Variants in NIPBL observed in about 807,000 individuals in gnomAD.
NIPBL encodes nipped-B-like protein.
Under a neutral mutation model 321.8 loss-of-function variants are expected in NIPBL, and 19 were observed. That is an observed-to-expected ratio of 0.06 (90% confidence interval 0.04 to 0.09). The LOEUF is 0.09. Among genes scored for constraint, NIPBL ranks in the 10% least tolerant of loss-of-function variants. NIPBL has a pLI of 1.00. For synonymous variants in NIPBL, 1,106 were observed against 1,114.1 expected, an observed-to-expected ratio of 0.99 and a Z score of 0.14; for missense variants, 2,210 against 3,327.0, an observed-to-expected ratio of 0.66 and a Z score of 8.26.
intron 8 of NIPBL, 62 bp downstream of exon 8, chr5:36,972,103 A>T: frequency 9.2e-7 from 1 of 1,084,590 alleles, no homozygotes; most frequent in Non-Finnish European, 1.4e-6. Context: ...TAAAGAACTC[A>T]GACTTCCTAA....
chr5:36,877,164 C>G lies in NIPBL; in HGVS notation c.-94C>G. 1 of 283,118 alleles carries G rather than the reference C, an allele frequency of 3.5e-6. No homozygotes were observed. The highest frequency in any genetic ancestry group is 1.6e-4 in the South Asian group (1 of 6,362). The allele number at this position is 283,118 out of a possible 1,614,324, so 17.5% of individuals were successfully genotyped here. ...GCCTCGGCCTCCCCTTGGATTCAGA[C>G]GCCGATTCGCCCAGGTAAATTCCTG... On this transcript the variant is annotated 5_prime_UTR_variant, in exon 1 of 47. Coordinates refer to ENST00000282516, the MANE Select transcript of NIPBL (RefSeq NM_133433.4).
chr5:36,969,423 T>C (rs958551208), intron 6 of NIPBL, among the ~76,000 whole-genome samples: 1 of 152,154 alleles, frequency 6.6e-6, no homozygotes, highest in Non-Finnish European at 1.5e-5. Flanking sequence ...AAATAACATA[T>C]AGTGAAGTAG....
At chr5:36,975,659 A>T in intron 8 of NIPBL, 117 bp from the exon 9 acceptor site, 1 of 996,272 alleles carries the variant, frequency 1.0e-6, no homozygotes, top group Non-Finnish European at 1.5e-6. Context: ...AGCTTGGATT[A>T]TATAATTTCT....
chr5:36,913,806 G>A (rs982604192), intron 1 of NIPBL, among the ~76,000 whole-genome samples: 1 of 152,180 alleles, frequency 6.6e-6, no homozygotes, highest in Non-Finnish European at 1.5e-5. Context: ...CTGTATAGCA[G>A]CTGGTTTATC....
chr5:36,930,134 G>A (rs976642535), intron 1 of NIPBL, among the ~76,000 whole-genome samples: 2 of 151,968 alleles, frequency 1.3e-5, no homozygotes, highest in African/African-American at 4.8e-5. Context: ...TTTTGAAAAA[G>A]ATTATGTTGA....
At chr5:36,942,457 AG>A (rs1045622350) in intron 1 of NIPBL, among the ~76,000 whole-genome samples, 3 of 139,796 alleles carry the variant, frequency 2.1e-5, no homozygotes, top group South Asian at 4.6e-4. Flanking sequence ...AAAAAAAAAA[AG>A]GCCAGGTGCG....
At chr5:36,896,683 T>C (rs1289153272) in intron 1 of NIPBL, among the ~76,000 whole-genome samples, 1 of 152,192 alleles carries the variant, frequency 6.6e-6, no homozygotes, top group Admixed American at 6.5e-5. Flanking sequence ...CACTGTAAAG[T>C]CCGCCTCCCT....
At chr5:37,026,447 C>T in intron 31 of NIPBL, 120 bp downstream of exon 31, 1 of 706,280 alleles carries the variant, frequency 1.4e-6, no homozygotes, top group Non-Finnish European at 2.6e-6. Context: ...TTTCGTACTG[C>T]TGCCTTTACT....
At chr5:36,885,331 T>C in intron 1 of NIPBL, 1 of 484,770 alleles carries the variant, frequency 2.1e-6, no homozygotes, top group South Asian at 1.6e-5. Context: ...CCAGGGGCTC[T>C]GGTTCGCGGA....
intron 1 of NIPBL, among the ~76,000 whole-genome samples, chr5:36,934,159 G>A (rs900442412): frequency 1.3e-5 from 2 of 151,982 alleles, no homozygotes; most frequent in African/African-American, 2.4e-5. Context: ...AAGACGTTGT[G>A]TTTTTTATCT....
In NIPBL at chr5:36,984,698, A is replaced by G; in HGVS notation, c.1518A>G (p.Lys506=). ...QDKDKPLKKR[K]QDSYPQEAGG... is the part of the protein sequence containing the mutation. ...CAGATAAGCCTTTGAAAAAAAGAAA[A>G]CAAGATTCTTACCCACAGGAGGCTG... The change falls in exon 10 of 47, where the codon AAA becomes AAG. Residue 506 remains lysine, a synonymous_variant. Transcript: ENST00000282516. 6.2e-7 allele frequency: 1 copy of G among 1,610,926 alleles called. No individual in the cohort carries two copies. Among genetic ancestry groups the G allele is most frequent in the Non-Finnish European group, 8.5e-7 (1 of 1,179,010 alleles).
intron 1 of NIPBL, among the ~76,000 whole-genome samples, chr5:36,912,902 CAG>C (rs1260272075): frequency 6.6e-6 from 1 of 152,028 alleles, no homozygotes; most frequent in Non-Finnish European, 1.5e-5. Flanking sequence ...ATTATAGAAA[CAG>C]TGTCTTTCAA....
intron 1 of NIPBL, among the ~76,000 whole-genome samples, chr5:36,939,593 C>T (rs1183571635): frequency 6.6e-6 from 1 of 152,088 alleles, no homozygotes; most frequent in Admixed American, 6.6e-5. Flanking sequence ...TTGTCTTAGT[C>T]CATTTTGTGC....
In NIPBL at chr5:36,910,397, T is replaced by G. The variant is rs1216393028; in HGVS notation, c.-80+33219T>G. 2.0e-5 allele frequency among the ~76,000 whole-genome samples: 3 copies of G among 152,174 alleles called. No homozygotes were observed. In the South Asian group the frequency reaches 6.2e-4, roughly 32 times the overall value. ...TAACTAATGGGGCAATAAGCAGCAC[T>G]ATCATCATGGGCACCTTAGGCTCAG... On this transcript the variant is annotated intron_variant, in intron 1 of 46. Transcript: ENST00000282516.
rs1246193844 is a variant in NIPBL, at chr5:37,065,029, ATGT to A, written c.*140_*142del. 9.6e-7 allele frequency: 1 copy of A among 1,043,520 alleles called. No individual in the cohort carries two copies. Among genetic ancestry groups the A allele is most frequent in the African/African-American group, 1.6e-5 (1 of 62,882 alleles). The allele number at this position is 1,043,520 out of a possible 1,614,324, so 64.6% of individuals were successfully genotyped here. A position where few individuals can be genotyped will look rare whatever the true frequency, so the allele number is the denominator to read the frequency against. ...TGGGATGCAGGAACAAAAGAAGGAA[ATGT>A]TGGGCAAACATTTTTGTGGGAGCTC... On this transcript the variant is annotated 3_prime_UTR_variant, in exon 47 of 47. Transcript: ENST00000282516.
At chr5:37,038,382 A>G (rs753037413) in intron 33 of NIPBL, among the ~76,000 whole-genome samples, 1 of 150,352 alleles carries the variant, frequency 6.7e-6, no homozygotes. Flanking sequence ...TGCCTTCTAT[A>G]GAGAGCATGG....
intron 38 of NIPBL, among the ~76,000 whole-genome samples, chr5:37,048,050 C>T (rs1018022312): frequency 6.6e-6 from 1 of 151,734 alleles, no homozygotes; most frequent in Non-Finnish European, 1.5e-5. Context: ...AAAATGTTTG[C>T]AGACATTATT....
chr5:37,060,362 T>G lies in NIPBL; in HGVS notation c.7686-482T>G, dbSNP rs577406050. On this transcript the variant is annotated intron_variant, in intron 44 of 46. Coordinates refer to ENST00000282516, the MANE Select transcript of NIPBL (RefSeq NM_133433.4). ...TTTTACTTGTAGAGATGATGTCTAG[T>G]TGTGTTGCTCATGGTAGTCTTGAAC... Among the ~76,000 whole-genome samples, 8 of 152,274 alleles carry G rather than the reference T, an allele frequency of 5.3e-5. No homozygotes were observed. The South Asian group carries it at 1.4e-3, about 28-fold the overall frequency.
At chr5:36,896,781 G>A (rs1290752801) in intron 1 of NIPBL, among the ~76,000 whole-genome samples, 1 of 152,008 alleles carries the variant, frequency 6.6e-6, no homozygotes, top group African/African-American at 2.4e-5. Context: ...GTATTTTTAA[G>A]AGAAGGTGCG....
Sources: gnomAD v4.1 joint callset for allele counts (sites outside exome capture counted in the v4.1 genomes callset) on GRCh38, gnomAD v4.1.1 for gene constraint, MANE v1.5 for transcripts, NCBI Gene and HGNC (gene_info 2026-07-23, HGNC 2026-07-21) for gene names.